Variants in PZP observed in about 807,000 individuals in gnomAD.
The protein encoded by PZP is PZP alpha-2-macroglobulin like, also known as pregnancy zone protein.
A neutral mutation model predicts 179.8 loss-of-function variants in PZP; 150 were observed. That is an observed-to-expected ratio of 0.83 (90% confidence interval 0.73 to 0.96). The LOEUF (loss-of-function observed/expected upper bound fraction) is 0.96, where lower values mean the gene tolerates loss of function less well. PZP is among the 40% of genes least tolerant of loss of function. The pLI, the probability that PZP is intolerant of heterozygous loss-of-function variation, is 0.00. For missense variants in PZP, 1,689 were observed against 1,764.0 expected, an observed-to-expected ratio of 0.96 and a Z score of 0.76; for synonymous variants, 624 against 652.3, an observed-to-expected ratio of 0.96 and a Z score of 0.66.
chr12:9,154,569 A>T, intron 29 of PZP, 47 bp downstream of exon 29: 1 of 1,551,674 alleles, frequency 6.4e-7, no homozygotes, highest in South Asian at 1.1e-5. Flanking sequence ...TAAGCCTCCC[A>T]ATTGCCAAGT....
chr12:9,193,490 T>C (rs1943570628), intron 11 of PZP, among the ~76,000 whole-genome samples: 1 of 151,968 alleles, frequency 6.6e-6, no homozygotes, highest in African/African-American at 2.4e-5. Flanking sequence ...AGTCACCTTT[T>C]AAATCCTAGG....
At chr12:9,181,622 T>G (rs1004866685) in intron 14 of PZP, among the ~76,000 whole-genome samples, 1 of 152,204 alleles carries the variant, frequency 6.6e-6, no homozygotes, top group Non-Finnish European at 1.5e-5. Flanking sequence ...CTTGTTAGAT[T>G]TTTAGATGGC....
chr12:9,172,875 G>T (rs189417977), intron 15 of PZP, among the ~76,000 whole-genome samples: 85 of 152,196 alleles, frequency 5.6e-4, no homozygotes, highest in Admixed American at 5.2e-3. Context: ...CACAATAATA[G>T]CGAGAGACTT....
chr12:9,180,752 T>C (rs576613245), intron 15 of PZP, among the ~76,000 whole-genome samples: 2 of 152,376 alleles, frequency 1.3e-5, no homozygotes, highest in South Asian at 4.1e-4. Flanking sequence ...AAGGACTTCA[T>C]GTCCAAAACA....
Position 9,157,271 on chromosome 12 carries a change from T to C in PZP, c.3454A>G (p.Thr1152Ala). ...KEGTHGSHVY[T>A]KALLAYAFSL... ...AAAGCATAGGCCAGCAATGCCTTGG[T>C]GTAGACATGGCTCCCATGGGTCCCC... The change falls in exon 28 of 36, where the codon ACC becomes GCC. Residue 1152 changes from threonine to alanine, a missense_variant. Transcript: ENST00000261336. 1 of 1,614,058 alleles carries C rather than the reference T, an allele frequency of 6.2e-7. No homozygotes were observed. Among genetic ancestry groups the C allele is most frequent in the Non-Finnish European group, 8.5e-7 (1 of 1,179,910 alleles).
chr12:9,157,255 G>T lies in PZP; in HGVS notation c.3470C>A (p.Ala1157Asp). The T allele has an allele frequency of 6.2e-7, 1 of 1,614,104 alleles. No homozygotes were observed. The highest frequency in any genetic ancestry group is 8.5e-7 in the Non-Finnish European group (1 of 1,179,994). Residue 1157 changes from alanine to aspartate, a missense_variant, in exon 28 of 36, where the codon GCC (alanine) becomes GAC (aspartate). This residue lies in a region of PZP where 746 missense variants were observed against 749.2 expected (regional missense o/e 1.00). Transcript: ENST00000261336. ...GSHVYTKALLAYAFSLLGKQN... is the reference protein window; with the variant it reads ...GSHVYTKALLDYAFSLLGKQN... ...CTTTCCCAGTAGGGAAAAAGCATAG[G>T]CCAGCAATGCCTTGGTGTAGACATG...
At chr12:9,169,705 A>G in intron 15 of PZP, 114 bp from the exon 16 acceptor site, 1 of 993,412 alleles carries the variant, frequency 1.0e-6, no homozygotes, top group Non-Finnish European at 1.4e-6. Context: ...ACGTTCATGT[A>G]GTTGGTACCT....
chr12:9,188,177 C>T (rs765687623), intron 13 of PZP, among the ~76,000 whole-genome samples: 2 of 152,178 alleles, frequency 1.3e-5, no homozygotes, highest in African/African-American at 2.4e-5. Context: ...TTAGCTACCG[C>T]GATCAAGTAG....
intron 13 of PZP, among the ~76,000 whole-genome samples, chr12:9,183,078 A>G (rs1942875729): frequency 6.6e-6 from 1 of 152,258 alleles, no homozygotes; most frequent in South Asian, 2.1e-4. Flanking sequence ...AAGGACAATT[A>G]GAATTGTAGA....
chr12:9,196,921 G>T, intron 8 of PZP, 91 bp downstream of exon 8: 6 of 1,063,980 alleles, frequency 5.6e-6, no homozygotes, highest in African/African-American at 4.8e-5. Context: ...TTTGCGACAA[G>T]CTTGTCCTGA....
intron 14 of PZP, 64 bp downstream of exon 14, chr12:9,181,911 A>G: frequency 6.5e-7 from 1 of 1,537,882 alleles, no homozygotes; most frequent in Non-Finnish European, 8.8e-7. Context: ...TCTCTGGGGT[A>G]AAATAGATGG....
intron 15 of PZP, among the ~76,000 whole-genome samples, chr12:9,174,050 C>A (rs1389615698): frequency 1.3e-5 from 2 of 152,198 alleles, no homozygotes; most frequent in African/African-American, 4.8e-5. Context: ...GCGAATATCC[C>A]TGATGAACAT....
chr12:9,145,701 C>A (rs878863778), downstream of PZP, among the ~76,000 whole-genome samples: 1 of 152,142 alleles, frequency 6.6e-6, no homozygotes, highest in Admixed American at 6.5e-5. Flanking sequence ...TTGAAAAACT[C>A]TCTTTAGCAT....
At chr12:9,142,508 T>C in the PZP span, among the ~76,000 whole-genome samples, 2 of 152,244 alleles carry the variant, frequency 1.3e-5, no homozygotes, top group Admixed American at 6.5e-5. Context: ...TTTTAAAGAT[T>C]AAAGTCACGT....
Position 9,153,235 on chromosome 12 carries a change from T to C in PZP, c.3883A>G (p.Asn1295Asp). The stretch of plus-strand genomic sequence containing the variant: ...AGGTTGTTGTTGTCTACTTGGAAAT[T>C]TGTAGAAAAGGTCTGTGAATCCTGA... ...TVQDSQTFST[N>D]FQVDNNNLLL... The change falls in exon 30 of 36, where the codon AAT becomes GAT. Residue 1295 changes from asparagine (N) to aspartate (D), a missense_variant. Around this residue, in one of 3 missense-constraint regions of PZP, gnomAD observed 746 missense variants for 749.2 expected, o/e 1.00. Coordinates refer to ENST00000261336, the MANE Select transcript of PZP (RefSeq NM_002864.3). 6.2e-7 allele frequency: 1 copy of C among 1,614,162 alleles called. No homozygotes were observed. The highest frequency in any genetic ancestry group is 8.5e-7 in the Non-Finnish European group (1 of 1,179,982).
At chr12:9,196,743 A>C in intron 8 of PZP, 58 bp from the exon 9 acceptor site, 1 of 1,414,054 alleles carries the variant, frequency 7.1e-7, no homozygotes, top group Non-Finnish European at 1.0e-6. Flanking sequence ...TAGTCACTGA[A>C]TCTACTATTC....
Position 9,166,098 on chromosome 12 carries a change from G to A in PZP, c.2212C>T (p.Arg738Ter), listed in dbSNP as rs150067154. 3.4e-4 allele frequency: 542 copies of A among 1,612,388 alleles called. 2 individuals carry two copies. Among genetic ancestry groups the A allele is most frequent in the Middle Eastern group, 1.3e-3 (8 of 6,060 alleles). The change falls in exon 18 of 36, where the codon CGA becomes TGA. Residue 738 changes from arginine (R) to a stop codon, truncating the protein, a stop_gained. Transcript: ENST00000261336. LOFTEE classifies it high-confidence loss of function. ...ATCCAAGTCTCAGGAAAATAGCTTC[G>A]CACCGTTTCAGGGACTGGCCCTGAA... The part of the protein sequence containing the change: ...QSSGPVPETV[R>*]SYFPETWIWE...
intron 2 of PZP, 99 bp downstream of exon 2, chr12:9,203,669 C>T: frequency 1.4e-6 from 2 of 1,404,872 alleles, no homozygotes; most frequent in Non-Finnish European, 2.0e-6. Context: ...TTCTTAAAGT[C>T]ATACCTTGGG....
downstream of PZP, among the ~76,000 whole-genome samples, chr12:9,148,121 GA>G (rs1940106912): frequency 6.6e-6 from 1 of 151,974 alleles, no homozygotes; most frequent in Non-Finnish European, 1.5e-5. Context: ...ATTTTAAGCA[GA>G]AAAAATTGTG....
Sources: allele counts gnomAD v4.1 joint callset (sites outside exome capture counted in the v4.1 genomes callset), GRCh38; gene constraint gnomAD v4.1.1; regional missense constraint gnomAD v4.1.1; transcripts MANE v1.5; gene names NCBI Gene and HGNC (gene_info 2026-07-23, HGNC 2026-07-21).